Variants in ZNF701 observed in about 807,000 individuals in gnomAD.
ZNF701 encodes the protein zinc finger protein 701.
A neutral mutation model predicts 7.1 loss-of-function variants in ZNF701; 6 were observed. The ratio of observed to expected loss-of-function variants is 0.84; its 90% CI spans 0.46 to 1.66. The LOEUF (loss-of-function observed/expected upper bound fraction) is 1.66. ZNF701 is among the 40% of genes most tolerant of loss of function. The probability of loss-of-function intolerance (pLI) is 0.01; values close to 1 mark genes in which losing one functional copy is unlikely to be tolerated. For missense variants in ZNF701, 541 were observed against 559.2 expected, an observed-to-expected ratio of 0.97 and a Z score of 0.33; for synonymous variants, 166 against 188.2, an observed-to-expected ratio of 0.88 and a Z score of 0.97.
At chr19:52,598,885 G>C in the ZNF701 span, 1 of 152,124 alleles carries the variant, frequency 6.6e-6, no homozygotes, top group Non-Finnish European at 1.5e-5. Context: ...ACTCCAGCCT[G>C]GGTGAAAAAG....
intron 3 of ZNF701, among the ~76,000 whole-genome samples, chr19:52,576,777 A>C (rs1015693067): frequency 6.6e-6 from 1 of 152,264 alleles, no homozygotes; most frequent in Admixed American, 6.5e-5. Context: ...GGGACTCTAC[A>C]AAAGCTCCAG....
rs1342894870 is a variant in ZNF701 at position 52,582,816 on chromosome 19, C to G, written c.757C>G (p.His253Asp). ...YKCDVCGKDF[H>D]QKRYLACHRC... ...ATGTGATGTATGCGGCAAGGACTTT[C>G]ATCAGAAGCGATACCTTGCATGCCA... is the stretch of plus-strand genomic sequence containing the variant. Residue 253 changes from histidine to aspartate, a missense_variant, in exon 4 of 4, where the codon CAT (histidine) becomes GAT (aspartate). By Grantham distance (81) the His-to-Asp change is moderately conservative. Coordinates refer to ENST00000391785, the MANE Select transcript of ZNF701 (RefSeq NM_018260.3). 2.5e-6 allele frequency: 4 copies of G among 1,614,060 alleles called. No homozygotes were observed. The South Asian group carries it at 3.3e-5, about 13-fold the overall frequency.
chr19:52,573,802 C>T (rs968014068), intron 1 of ZNF701, among the ~76,000 whole-genome samples: 2 of 152,196 alleles, frequency 1.3e-5, no homozygotes, highest in Non-Finnish European at 2.9e-5. Flanking sequence ...CAGGCATGAG[C>T]CACCGCACCG....
downstream of ZNF701, among the ~76,000 whole-genome samples, chr19:52,590,673 T>A (rs1414242275): frequency 1.3e-5 from 2 of 152,028 alleles, no homozygotes; most frequent in African/African-American, 4.8e-5. Flanking sequence ...GGTCACTTTA[T>A]CCTCTGCTCT....
chr19:52,595,152 T>A, the ZNF701 span, among the ~76,000 whole-genome samples: 1 of 152,196 alleles, frequency 6.6e-6, no homozygotes, highest in Non-Finnish European at 1.5e-5. Context: ...TGGCAAATTT[T>A]TGTATTTTTA....
chr19:52,572,163 C>T (rs969792702), intron 1 of ZNF701: 5 of 316,736 alleles, frequency 1.6e-5, no homozygotes, highest in African/African-American at 1.1e-4. Flanking sequence ...AAGCGATTGT[C>T]CTGCCTCGGC....
Position 52,582,616 on chromosome 19 carries a change from C to T in ZNF701, c.557C>T (p.Thr186Ile), listed in dbSNP as rs889886405. Residue 186 changes from threonine (T) to isoleucine (I), a missense_variant, in exon 4 of 4, where the codon ACT becomes ATT. Coordinates refer to ENST00000391785, the MANE Select transcript of ZNF701 (RefSeq NM_018260.3). ...ASQRISCRPKTRISNKYRNNF... is the reference protein window; with the variant it reads ...ASQRISCRPKIRISNKYRNNF... ...CAACGAATTTCCTGTAGGCCAAAAA[C>T]TCGTATTTCTAATAAGTATAGGAAT... 6.2e-7 allele frequency: 1 copy of T among 1,614,032 alleles called. No individual in the cohort carries two copies. Among genetic ancestry groups the T allele is most frequent in the African/African-American group, 1.3e-5 (1 of 74,910 alleles).
rs190363039 is a variant in ZNF701, at chr19:52,572,011, T to C, written c.-72+1681T>C. Among the ~76,000 whole-genome samples, 627 of 151,946 alleles carry C rather than the reference T, an allele frequency of 4.1e-3. 2 individuals carry two copies. Among genetic ancestry groups the C allele is most frequent in the African/African-American group, 0.015 (603 of 41,470 alleles). ...GCTAATTTTGTATTTTTAGTAGAGA[T>C]GGGGTTTCTCCATATTGGTCAGGTT... is the stretch of plus-strand genomic sequence containing the variant. On this transcript the variant is annotated intron_variant, in intron 1 of 3. Coordinates refer to ENST00000391785, the MANE Select transcript of ZNF701 (RefSeq NM_018260.3).
At chr19:52,590,420 G>T (rs1483427853), downstream of ZNF701, among the ~76,000 whole-genome samples, 1 of 152,092 alleles carries the variant, frequency 6.6e-6, no homozygotes, top group Non-Finnish European at 1.5e-5. Flanking sequence ...TTTACATAAT[G>T]AATTCTGATT....
the ZNF701 span, chr19:52,596,121 G>A: frequency 1.1e-6 from 1 of 891,536 alleles, no homozygotes; most frequent in South Asian, 1.5e-5. Flanking sequence ...CCTTTCCAAT[G>A]TAATGAGTGT....
At chr19:52,591,821 A>C (rs2060038150), downstream of ZNF701, among the ~76,000 whole-genome samples, 2 of 152,106 alleles carry the variant, frequency 1.3e-5, no homozygotes, top group Admixed American at 1.3e-4. Flanking sequence ...CTCCCAAAGT[A>C]CTGGGATTCC....
At chr19:52,572,009 G>T (rs2059904021) in intron 1 of ZNF701, among the ~76,000 whole-genome samples, 1 of 152,024 alleles carries the variant, frequency 6.6e-6, no homozygotes, top group South Asian at 2.1e-4. Context: ...TTTTAGTAGA[G>T]ATGGGGTTTC....
chr19:52,595,422 A>T, the ZNF701 span, among the ~76,000 whole-genome samples: 1 of 139,488 alleles, frequency 7.2e-6, no homozygotes, highest in Non-Finnish European at 1.6e-5. Context: ...GGCACCTATC[A>T]CTACACCTGG....
chr19:52,583,540 A>G lies in ZNF701; in HGVS notation c.*83A>G. ...TTTATACTGGAGAGAAACCTTACAA[A>G]TGTGAAGAATGTGACAAAAGTTTTC... On this transcript the variant is annotated 3_prime_UTR_variant, in exon 4 of 4. Coordinates refer to ENST00000391785, the MANE Select transcript of ZNF701 (RefSeq NM_018260.3). 1 of 1,589,266 alleles carries G rather than the reference A, an allele frequency of 6.3e-7. No individual in the cohort carries two copies. Among genetic ancestry groups the G allele is most frequent in the Admixed American group, 1.7e-5 (1 of 59,472 alleles).
chr19:52,583,708 A>G lies in ZNF701; in HGVS notation c.*251A>G, dbSNP rs551457447. 3 of 806,650 alleles carry G rather than the reference A, an allele frequency of 3.7e-6. No homozygotes were observed. The highest frequency in any genetic ancestry group is 6.5e-6 in the Non-Finnish European group (3 of 462,124). The allele number at this position is 806,650 out of a possible 1,614,324, so 50.0% of individuals were successfully genotyped here. The stretch of plus-strand genomic sequence containing the variant: ...ATTCACACTGGAAAGGAACTGTACA[A>G]GTGTAATGAGTGTGGCAGAGCCTTT... On this transcript the variant is annotated 3_prime_UTR_variant, in exon 4 of 4. Coordinates refer to ENST00000391785, the MANE Select transcript of ZNF701 (RefSeq NM_018260.3).
At chr19:52,587,177 G>A (rs2060017734), downstream of ZNF701, 2 of 152,198 alleles carry the variant, frequency 1.3e-5, no homozygotes, top group Admixed American at 6.5e-5. Flanking sequence ...ATTTGTAAGT[G>A]TTGTAATTTA....
At chr19:52,573,972 G>A (rs1185692922) in intron 1 of ZNF701, 105 bp from the exon 2 acceptor site, 6 of 1,195,476 alleles carry the variant, frequency 5.0e-6, no homozygotes, top group Middle Eastern at 1.9e-4. Context: ...GGCAGCAGAG[G>A]TGACCATATT....
chr19:52,574,022 A>C, intron 1 of ZNF701, 55 bp from the exon 2 acceptor site: 1 of 1,559,134 alleles, frequency 6.4e-7, no homozygotes. Context: ...TCATTGTGTT[A>C]CAGGCAGGAG....
Position 52,582,967 on chromosome 19 carries a change from G to T in ZNF701, c.908G>T (p.Cys303Phe). 6.2e-7 allele frequency: 1 copy of T among 1,614,090 alleles called. No homozygotes were observed. Among genetic ancestry groups the T allele is most frequent in the Non-Finnish European group, 8.5e-7 (1 of 1,179,996 alleles). Residue 303 changes from cysteine (C) to phenylalanine (F), a missense_variant, in exon 4 of 4, where the codon TGT (cysteine) becomes TTT (phenylalanine). Physicochemically the swap from Cys to Phe is radical, Grantham distance 205. Coordinates refer to ENST00000391785, the MANE Select transcript of ZNF701 (RefSeq NM_018260.3). ...GAGAAACCTTACAAGTGTAATGAAT[G>T]TGGCAAGGTTTTTAATCAACAATCA... ...TGEKPYKCNECGKVFNQQSNL... is the reference protein window; with the variant it reads ...TGEKPYKCNEFGKVFNQQSNL...
Sources: allele counts gnomAD v4.1 joint callset (sites outside exome capture counted in the v4.1 genomes callset), GRCh38; gene constraint gnomAD v4.1.1; transcripts MANE v1.5; gene names NCBI Gene and HGNC (gene_info 2026-07-23, HGNC 2026-07-21).